The following MARCHF4 variants were observed in gnomAD, a reference collection of about 807,000 sequenced individuals.
MARCHF4 encodes membrane associated ring-CH-type finger 4, also known as E3 ubiquitin-protein ligase MARCHF4.
MARCHF4 carries 14 observed loss-of-function variants against 43.9 expected under a neutral mutation model. The ratio of observed to expected loss-of-function variants is 0.32; its 90% CI spans 0.21 to 0.50. The LOEUF (loss-of-function observed/expected upper bound fraction) is 0.50, where lower values mean the gene tolerates loss of function less well. Among genes scored for constraint, MARCHF4 ranks in the 20% least tolerant of loss-of-function variants. The probability of loss-of-function intolerance (pLI) is 0.98; values close to 1 mark genes in which losing one functional copy is unlikely to be tolerated. For synonymous variants in MARCHF4, 226 were observed against 213.3 expected (o/e 1.06, Z -0.52); for missense variants, 468 against 536.7 (o/e 0.87, Z 1.27).
chr2:216,317,243 A>G (rs1175357013), intron 1 of MARCHF4, among the ~76,000 whole-genome samples: 1 of 152,186 alleles, frequency 6.6e-6, no homozygotes, highest in Non-Finnish European at 1.5e-5. Context: ...CTTATCTCAT[A>G]GAAGTTTCTG....
intron 1 of MARCHF4, among the ~76,000 whole-genome samples, chr2:216,345,259 C>T (rs1692301116): frequency 6.6e-6 from 1 of 152,074 alleles, no homozygotes. Context: ...CCCTTCTTCT[C>T]CCCAAGGTTA....
rs1017340316 is a variant in MARCHF4, at chr2:216,259,737, A to G, written c.866-58T>C. 4 of 1,517,248 alleles carry G rather than the reference A, an allele frequency of 2.6e-6. No homozygotes were observed. In the South Asian group the frequency reaches 3.6e-5, roughly 14 times the overall value. 94.0% of individuals were successfully genotyped at this position (1,517,248 alleles called of 1,614,324 possible). A position where few individuals can be genotyped will look rare whatever the true frequency, so the allele number is the denominator to read the frequency against. On this transcript the variant is annotated intron_variant, in intron 3 of 3. Coordinates refer to ENST00000273067, the MANE Select transcript of MARCHF4 (RefSeq NM_020814.3). ...AAATGAGAGGAAGTGGGTCACGGCC[A>G]GGAGACCACAGTCTCTCTGAATCTA...
intron 1 of MARCHF4, among the ~76,000 whole-genome samples, chr2:216,302,827 G>A (rs1173316355): frequency 6.7e-6 from 1 of 150,110 alleles, no homozygotes; most frequent in African/African-American, 2.5e-5. Context: ...GAACCTGGGA[G>A]GTGGAGGTTG....
intron 1 of MARCHF4, among the ~76,000 whole-genome samples, chr2:216,306,993 T>TAC (rs963058817): frequency 4.0e-5 from 6 of 151,466 alleles, no homozygotes; most frequent in African/African-American, 1.5e-4. Flanking sequence ...CACACACACA[T>TAC]ACACACACAC....
chr2:216,367,066 A>G (rs1363579350), intron 1 of MARCHF4, among the ~76,000 whole-genome samples: 5 of 152,198 alleles, frequency 3.3e-5, no homozygotes, highest in Non-Finnish European at 5.9e-5. Context: ...AAGATCAAAT[A>G]CTCATTTTTT....
intron 1 of MARCHF4, among the ~76,000 whole-genome samples, chr2:216,306,440 A>C (rs1186181181): frequency 6.6e-6 from 1 of 152,226 alleles, no homozygotes; most frequent in Admixed American, 6.5e-5. Flanking sequence ...GTGTCTTTAT[A>C]ATCTTTCCAA....
intron 1 of MARCHF4, among the ~76,000 whole-genome samples, chr2:216,313,039 C>A (rs1314123630): frequency 1.3e-5 from 2 of 152,114 alleles, no homozygotes; most frequent in East Asian, 3.8e-4. Context: ...TTTAATCCAC[C>A]TTGAGTTAAT....
At chr2:216,329,055 A>G (rs149462730) in intron 1 of MARCHF4, among the ~76,000 whole-genome samples, 1 of 152,136 alleles carries the variant, frequency 6.6e-6, no homozygotes, top group East Asian at 1.9e-4. Flanking sequence ...AACAAAACAA[A>G]GATAAACAAA....
In MARCHF4 at chr2:216,283,646, C is replaced by G. The variant is rs369858282; in HGVS notation, c.600G>C (p.Arg200=). 1 of 1,613,746 alleles carries G rather than the reference C, an allele frequency of 6.2e-7. No individual in the cohort carries two copies. The highest frequency in any genetic ancestry group is 1.3e-5 in the African/African-American group (1 of 74,930). ...QPCLIKWISE[R]GCWSCELCYY... The stretch of plus-strand genomic sequence containing the variant: ...AGCACAGCTCGCAGCTCCAGCAGCC[C>G]CGCTCGCTGATCCACTTGATGAGGC... The change falls in exon 2 of 4, where the codon CGG becomes CGC. Residue 200 remains arginine, a synonymous_variant. Coordinates refer to ENST00000273067, the MANE Select transcript of MARCHF4 (RefSeq NM_020814.3).
At chr2:216,288,002 C>T (rs1410658051) in intron 1 of MARCHF4, among the ~76,000 whole-genome samples, 1 of 152,060 alleles carries the variant, frequency 6.6e-6, no homozygotes, top group Non-Finnish European at 1.5e-5. Context: ...CTCTGTTGCC[C>T]AGGCTGGGGT....
intron 1 of MARCHF4, among the ~76,000 whole-genome samples, chr2:216,358,137 C>T (rs1351659120): frequency 6.6e-6 from 1 of 152,196 alleles, no homozygotes; most frequent in Non-Finnish European, 1.5e-5. Flanking sequence ...TCACAACAAC[C>T]TCTGGGACAG....
intron 1 of MARCHF4, among the ~76,000 whole-genome samples, chr2:216,329,072 A>T (rs1692042455): frequency 6.6e-6 from 1 of 151,698 alleles, no homozygotes; most frequent in Non-Finnish European, 1.5e-5. Flanking sequence ...CAAATAAATA[A>T]ATGCTATGAT....
At chr2:216,279,484 A>T (rs1691089743) in intron 2 of MARCHF4, among the ~76,000 whole-genome samples, 2 of 152,212 alleles carry the variant, frequency 1.3e-5, no homozygotes. Context: ...GGGGGAGGAC[A>T]TCTTTTGACT....
intron 1 of MARCHF4, among the ~76,000 whole-genome samples, chr2:216,331,988 C>A (rs1390720529): frequency 1.3e-5 from 2 of 151,970 alleles, no homozygotes; most frequent in African/African-American, 2.4e-5. Flanking sequence ...ACAATAAAAA[C>A]AAATATGTAA....
chr2:216,294,415 A>C (rs1691358831), intron 1 of MARCHF4, among the ~76,000 whole-genome samples: 1 of 152,254 alleles, frequency 6.6e-6, no homozygotes. Context: ...TTGCAAGTGC[A>C]AATGAGCTGT....
chr2:216,270,081 A>ATTT (rs143705045), intron 3 of MARCHF4, among the ~76,000 whole-genome samples: 1 of 148,628 alleles, frequency 6.7e-6, no homozygotes, highest in Non-Finnish European at 1.5e-5. Flanking sequence ...TCCACCAGAA[A>ATTT]TTTTTTTTTT....
chr2:216,370,145 T>C lies in MARCHF4; in HGVS notation c.116A>G (p.Lys39Arg). ...PQMLRHQGLL[K>R]CRCRMLFNDL... is the part of the protein sequence containing the mutation. The stretch of plus-strand genomic sequence containing the variant: ...ATTGAAGAGCATGCGGCAGCGGCAC[T>C]TGAGGAGACCCTGGTGGCGCAACAT... The change falls in exon 1 of 4, where the codon AAG becomes AGG. Residue 39 changes from lysine (K) to arginine (R), a missense_variant. Physicochemically the swap from Lys to Arg is conservative, Grantham distance 26 (BLOSUM62 2). Transcript: ENST00000273067. The C allele has an allele frequency of 6.2e-7, 1 of 1,609,274 alleles. No homozygotes were observed. The highest frequency in any genetic ancestry group is 8.5e-7 in the Non-Finnish European group (1 of 1,178,122).
intron 1 of MARCHF4, among the ~76,000 whole-genome samples, chr2:216,327,730 A>C (rs1048960756): frequency 2.0e-5 from 3 of 152,214 alleles, no homozygotes; most frequent in Non-Finnish European, 2.9e-5. Flanking sequence ...AAACCTGGCC[A>C]CATAAATGAG....
At chr2:216,366,645 AG>A (rs1692670395) in intron 1 of MARCHF4, among the ~76,000 whole-genome samples, 2 of 152,174 alleles carry the variant, frequency 1.3e-5, no homozygotes, top group Non-Finnish European at 2.9e-5. Context: ...CTCATCATTT[AG>A]GTGTCAGCTC....
Sources: gnomAD v4.1 joint callset for allele counts (sites outside exome capture counted in the v4.1 genomes callset) on GRCh38, gnomAD v4.1.1 for gene constraint, MANE v1.5 for transcripts, NCBI Gene and HGNC (gene_info 2026-07-23, HGNC 2026-07-21) for gene names.